The following TBCE variants were observed in gnomAD, a reference collection of about 807,000 sequenced individuals.
The protein encoded by TBCE is tubulin-specific chaperone E.
TBCE carries 53 observed loss-of-function variants against 77.0 expected under a neutral mutation model. That is an observed-to-expected ratio of 0.69 (90% confidence interval 0.55 to 0.87). The LOEUF (loss-of-function observed/expected upper bound fraction) is 0.87. TBCE is among the 40% of genes least tolerant of loss of function. The pLI is 0.00. For missense variants in TBCE, 624 were observed against 622.4 expected (o/e 1.00, Z -0.03); for synonymous variants, 235 against 241.3 (o/e 0.97, Z 0.24).
intron 2 of TBCE, among the ~76,000 whole-genome samples, chr1:235,388,436 C>G (rs1194061595): frequency 6.6e-6 from 1 of 151,802 alleles, no homozygotes; most frequent in South Asian, 2.1e-4. Context: ...TTACGGGGAC[C>G]CACCACCACA....
intron 13 of TBCE, 71 bp downstream of exon 13, chr1:235,438,993 C>T (rs1681647575): frequency 2.5e-6 from 4 of 1,602,674 alleles, no homozygotes; most frequent in South Asian, 1.1e-5. Context: ...TCTTGGGTAT[C>T]AAAAGAGGTT....
chr1:235,415,464 G>T (rs141822378), intron 4 of TBCE: 3 of 152,178 alleles, frequency 2.0e-5, no homozygotes. Context: ...AGGCCTTGCA[G>T]CTTCCTACTG....
At chr1:235,382,088 G>C (rs1677704403) in intron 2 of TBCE, among the ~76,000 whole-genome samples, 1 of 150,426 alleles carries the variant, frequency 6.6e-6, no homozygotes, top group Non-Finnish European at 1.5e-5. Context: ...CCTTGTGATA[G>C]TTTACTGAGA....
In TBCE at chr1:235,410,223, G is replaced by A. The variant is rs191871594; in HGVS notation, c.186-4210G>A. Among the ~76,000 whole-genome samples the A allele has an allele frequency of 5.9e-5, 9 of 151,944 alleles. No homozygotes were observed. In the South Asian group the frequency reaches 1.3e-3, roughly 21 times the overall value. On this transcript the variant is annotated intron_variant, in intron 3 of 16. Transcript: ENST00000642610. ...GATCACCCCACTGCACTCCAGCCTG[G>A]GCAACAGAGGGAGACTCTATCTCCA...
intron 1 of TBCE, among the ~76,000 whole-genome samples, chr1:235,379,101 G>T (rs1354032638): frequency 2.0e-5 from 3 of 152,022 alleles, no homozygotes; most frequent in Non-Finnish European, 2.9e-5. Flanking sequence ...ACTTCTTAGG[G>T]ATTTCTTCTT....
At chr1:235,421,044 C>G (rs2102894851) in intron 5 of TBCE, among the ~76,000 whole-genome samples, 1 of 152,178 alleles carries the variant, frequency 6.6e-6, no homozygotes, top group East Asian at 1.9e-4. Context: ...TCTCTACCTG[C>G]TCTTATTAGT....
intron 5 of TBCE, among the ~76,000 whole-genome samples, chr1:235,426,906 A>G (rs2102905687): frequency 6.6e-6 from 1 of 152,346 alleles, no homozygotes; most frequent in Middle Eastern, 3.4e-3. Context: ...TTGGCATCCC[A>G]AAGTGCCGGG....
intron 13 of TBCE, chr1:235,441,610 C>T: frequency 1.7e-6 from 1 of 587,366 alleles, no homozygotes; most frequent in South Asian, 2.0e-5. Flanking sequence ...GAGTCTGCAG[C>T]TCTGGGTAGA....
chr1:235,402,911 G>A (rs1300176115), intron 3 of TBCE, among the ~76,000 whole-genome samples: 1 of 152,170 alleles, frequency 6.6e-6, no homozygotes, highest in Non-Finnish European at 1.5e-5. Context: ...GATTACAGAT[G>A]TGAGCCACTG....
In TBCE at chr1:235,448,375, G is replaced by A. The variant is rs1172654809; in HGVS notation, c.1426G>A (p.Gly476Arg). The change falls in exon 16 of 17, where the codon GGA (glycine) becomes AGA (arginine). Residue 476 changes from glycine to arginine, a missense_variant. Physicochemically the swap from Gly to Arg is moderately radical, Grantham distance 125. Coordinates refer to ENST00000642610, the MANE Select transcript of TBCE (RefSeq NM_003193.5). ...PGSMTIQKVK[G>R]LLSRLLKVPV... The stretch of plus-strand genomic sequence containing the variant: ...CTCCATGACAATTCAAAAGGTGAAG[G>A]GATTGCTGTCACGTCTTCTCAAAGT... The A allele has an allele frequency of 6.2e-7, 1 of 1,614,100 alleles. No individual in the cohort carries two copies. The highest frequency in any genetic ancestry group is 1.1e-5 in the South Asian group (1 of 91,082).
intron 9 of TBCE, chr1:235,436,126 G>C: frequency 1.7e-6 from 1 of 600,448 alleles, no homozygotes; most frequent in South Asian, 2.0e-5. Context: ...GCAGTAGACC[G>C]TGTCTCTTTC....
At chr1:235,373,035 T>C (rs1006904008) in intron 1 of TBCE, among the ~76,000 whole-genome samples, 7 of 151,896 alleles carry the variant, frequency 4.6e-5, no homozygotes, top group South Asian at 2.1e-4. Context: ...AAAATGTTTA[T>C]GGACAAATGT....
Position 235,449,079 on chromosome 1 carries a change from C to T in TBCE, c.*317C>T. On this transcript the variant is annotated 3_prime_UTR_variant, in exon 17 of 17. Transcript: ENST00000642610. ...TAGCTAGCCTAATAAAATCTGAACACAGTTAATATCTGTCATAAGACTAGT... is the reference window on the plus strand; with the variant it reads ...TAGCTAGCCTAATAAAATCTGAACATAGTTAATATCTGTCATAAGACTAGT... 3.1e-6 allele frequency: 1 copy of T among 324,930 alleles called. No homozygotes were observed. Among genetic ancestry groups the T allele is most frequent in the Admixed American group, 4.5e-5 (1 of 22,104 alleles). 20.1% of individuals were successfully genotyped at this position (324,930 alleles called of 1,614,324 possible).
At position 235,375,773 on chromosome 1, in the gene TBCE, A is replaced by C. The variant is rs1016866827; in HGVS notation, c.-31-4246A>C. ...AATACTGACTTGAGGCTGGGCGCAG[A>C]GGTTCACACCTGTAATCCCAGCACT... is the stretch of plus-strand genomic sequence containing the variant. On this transcript the variant is annotated intron_variant, in intron 1 of 16. Transcript: ENST00000642610. Among the ~76,000 whole-genome samples, 3 of 152,050 alleles carry C rather than the reference A, an allele frequency of 2.0e-5. No homozygotes were observed. The South Asian group carries it at 6.2e-4, about 32-fold the overall frequency.
At chr1:235,448,224 A>C in intron 15 of TBCE, 125 bp from the exon 16 acceptor site, 3 of 641,406 alleles carry the variant, frequency 4.7e-6, no homozygotes, top group African/African-American at 1.8e-5. Flanking sequence ...CAGTCTCAAA[A>C]AAAAAAAAAA....
chr1:235,373,896 G>A lies in TBCE; in HGVS notation c.-31-6123G>A, dbSNP rs1228754254. On this transcript the variant is annotated intron_variant, in intron 1 of 16. Transcript: ENST00000642610. ...GATCTCCTGACCTCGTGATCCTCCC[G>A]CCTCGGCCTCCCAAAGTGCTGGGAT... Among the ~76,000 whole-genome samples the A allele has an allele frequency of 2.7e-5, 4 of 145,548 alleles. 1 individual carries two copies. Among genetic ancestry groups the A allele is most frequent in the African/African-American group, 7.9e-5 (3 of 37,758 alleles).
chr1:235,418,436 A>G (rs146840034), intron 4 of TBCE: 2 of 152,362 alleles, frequency 1.3e-5, no homozygotes, highest in Non-Finnish European at 2.9e-5. Context: ...GTTCTTAGAC[A>G]TTATGTATGC....
At chr1:235,417,824 T>A (rs983662175) in intron 4 of TBCE, among the ~76,000 whole-genome samples, 1 of 152,224 alleles carries the variant, frequency 6.6e-6, no homozygotes, top group Non-Finnish European at 1.5e-5. Context: ...TTACCCAGGC[T>A]GGAGCGCAAT....
rs2102963042 is a variant in TBCE at position 235,450,478 on chromosome 1, T to C, written c.*1716T>C. 2.7e-6 allele frequency: 3 copies of C among 1,103,062 alleles called. No homozygotes were observed. The highest frequency in any genetic ancestry group is 2.5e-5 in the East Asian group (1 of 39,884). The allele number at this position is 1,103,062 out of a possible 1,614,324, so 68.3% of individuals were successfully genotyped here. ...AGGATAACTCCGTGTGTGGAACAACTGGTGAGGTTTGGGGGTGGCACCTCC... is the reference window on the plus strand; with the variant it reads ...AGGATAACTCCGTGTGTGGAACAACCGGTGAGGTTTGGGGGTGGCACCTCC... On this transcript the variant is annotated 3_prime_UTR_variant, in exon 17 of 17. Transcript: ENST00000642610.
Sources: allele counts gnomAD v4.1 joint callset (sites outside exome capture counted in the v4.1 genomes callset), GRCh38; gene constraint gnomAD v4.1.1; transcripts MANE v1.5; gene names NCBI Gene and HGNC (gene_info 2026-07-23, HGNC 2026-07-21).